Variants in IQCM observed in about 807,000 individuals in gnomAD.
IQCM encodes IQ domain-containing protein M.
IQCM carries 45 observed loss-of-function variants against 57.6 expected under a neutral mutation model. The ratio of observed to expected loss-of-function variants is 0.78; its 90% CI spans 0.62 to 1.00. The LOEUF (loss-of-function observed/expected upper bound fraction) is 1.00, where lower values mean the gene tolerates loss of function less well. Among genes scored for constraint, IQCM ranks in the 50% least tolerant of loss-of-function variants. IQCM has a pLI of 0.00. For missense variants in IQCM, 468 were observed against 511.6 expected, an observed-to-expected ratio of 0.91 and a Z score of 0.82; for synonymous variants, 148 against 158.9, an observed-to-expected ratio of 0.93 and a Z score of 0.51.
chr4:149,781,921 G>A (rs1310438229), intron 2 of IQCM, among the ~76,000 whole-genome samples: 1 of 152,094 alleles, frequency 6.6e-6, no homozygotes, highest in East Asian at 1.9e-4. Context: ...CTGAGTAGGA[G>A]AAACAATATG....
chr4:149,526,999 A>G (rs1746225915), intron 12 of IQCM, among the ~76,000 whole-genome samples: 1 of 152,190 alleles, frequency 6.6e-6, no homozygotes, highest in Non-Finnish European at 1.5e-5. Flanking sequence ...TTTACAGATC[A>G]GTACAGCAAG....
intron 2 of IQCM, among the ~76,000 whole-genome samples, chr4:149,809,312 T>C (rs1774351443): frequency 6.6e-6 from 1 of 151,724 alleles, no homozygotes; most frequent in African/African-American, 2.4e-5. Flanking sequence ...AATACTGGTG[T>C]CACTATAATA....
intron 8 of IQCM, among the ~76,000 whole-genome samples, chr4:149,608,664 G>A (rs1323348650): frequency 6.6e-6 from 1 of 151,576 alleles, no homozygotes; most frequent in Non-Finnish European, 1.5e-5. Context: ...AATGACTAGT[G>A]GGTCAATTAA....
chr4:149,669,833 T>C (rs557445611), intron 7 of IQCM, among the ~76,000 whole-genome samples: 25 of 152,316 alleles, frequency 1.6e-4, no homozygotes, highest in African/African-American at 6.0e-4. Flanking sequence ...TTTGTTGGTC[T>C]ATATCTCTGT....
chr4:149,792,360 C>A (rs1326343659), intron 2 of IQCM, among the ~76,000 whole-genome samples: 1 of 152,010 alleles, frequency 6.6e-6, no homozygotes, highest in African/African-American at 2.4e-5. Flanking sequence ...TGAAATATAA[C>A]CAGCCTGGGC....
At chr4:149,470,719 G>C (rs534442364) in intron 12 of IQCM, among the ~76,000 whole-genome samples, 1 of 152,028 alleles carries the variant, frequency 6.6e-6, no homozygotes, top group African/African-American at 2.4e-5. Context: ...CCACATAGTC[G>C]GAAGTAAAGC....
At position 149,482,627 on chromosome 4, in the gene IQCM, T is replaced by C. The variant is rs1372657574; in HGVS notation, c.1229-49070A>G. Among the ~76,000 whole-genome samples, 89 of 151,900 alleles carry C rather than the reference T, an allele frequency of 5.9e-4. 1 individual carries two copies. The highest frequency in any genetic ancestry group is 4.4e-5 in the Non-Finnish European group (3 of 67,810). On this transcript the variant is annotated intron_variant, in intron 12 of 13. Coordinates refer to ENST00000636793, the MANE Select transcript of IQCM (RefSeq NM_001363507.2). ...CCATCCTTGAATCCCTGGGATAAGT[T>C]CCACTTGGTCATGATGAATAATCAT... is the stretch of plus-strand genomic sequence containing the variant.
At chr4:149,735,860 A>G (rs750365575) in intron 3 of IQCM, among the ~76,000 whole-genome samples, 45 of 152,118 alleles carry the variant, frequency 3.0e-4, no homozygotes, top group Non-Finnish European at 5.0e-4. Context: ...AAAATAAAAT[A>G]CCTCAATAAA....
chr4:149,753,790 G>T (rs1420248110), intron 2 of IQCM, among the ~76,000 whole-genome samples: 1 of 112,994 alleles, frequency 8.9e-6, no homozygotes, highest in Non-Finnish European at 1.7e-5. Flanking sequence ...AAAACTGAAA[G>T]ATTCCAACAT....
At chr4:149,595,375 G>C (rs1016514939) in intron 8 of IQCM, among the ~76,000 whole-genome samples, 1 of 151,868 alleles carries the variant, frequency 6.6e-6, no homozygotes, top group Non-Finnish European at 1.5e-5. Context: ...ACAACCTTGT[G>C]ACCCTACCAG....
intron 12 of IQCM, among the ~76,000 whole-genome samples, chr4:149,526,814 A>G (rs531272148): frequency 3.9e-5 from 6 of 152,246 alleles, no homozygotes; most frequent in African/African-American, 1.4e-4. Flanking sequence ...AATTTAAAAA[A>G]TTACCTTGCA....
chr4:149,508,572 G>A (rs940015365), intron 12 of IQCM, among the ~76,000 whole-genome samples: 1 of 152,212 alleles, frequency 6.6e-6, no homozygotes, highest in African/African-American at 2.4e-5. Context: ...TCTCCCATTT[G>A]CAATGGTTGT....
chr4:149,679,081 C>T (rs541318824), intron 7 of IQCM, among the ~76,000 whole-genome samples: 2 of 151,594 alleles, frequency 1.3e-5, no homozygotes, highest in Non-Finnish European at 3.0e-5. Flanking sequence ...ATCTGCATTC[C>T]CATGTTTATT....
intron 13 of IQCM, among the ~76,000 whole-genome samples, chr4:149,381,089 G>A (rs753387861): frequency 1.3e-5 from 2 of 151,980 alleles, no homozygotes; most frequent in Non-Finnish European, 2.9e-5. Flanking sequence ...TGCATCTTTT[G>A]CAGGCTAAAA....
intron 13 of IQCM, among the ~76,000 whole-genome samples, chr4:149,363,340 A>C (rs1395809319): frequency 6.6e-6 from 1 of 152,158 alleles, no homozygotes; most frequent in African/African-American, 2.4e-5. Flanking sequence ...GGGCAGACTG[A>C]AGTAGGGTGG....
chr4:149,442,212 G>GT (rs1736011144), intron 12 of IQCM, among the ~76,000 whole-genome samples: 1 of 151,948 alleles, frequency 6.6e-6, no homozygotes, highest in South Asian at 2.1e-4. Context: ...TCTTTCTGAG[G>GT]TATCAGCAAA....
chr4:149,465,009 A>G (rs922693799), intron 12 of IQCM, among the ~76,000 whole-genome samples: 1 of 152,100 alleles, frequency 6.6e-6, no homozygotes, highest in Non-Finnish European at 1.5e-5. Flanking sequence ...AACCATGCAT[A>G]TTATTATTTT....
At chr4:149,806,841 C>A (rs1446234525) in intron 2 of IQCM, among the ~76,000 whole-genome samples, 1 of 151,732 alleles carries the variant, frequency 6.6e-6, no homozygotes, top group Non-Finnish European at 1.5e-5. Flanking sequence ...AAAAAACATA[C>A]ATGATTTAAT....
chr4:149,605,399 T>C (rs557702893), intron 8 of IQCM, among the ~76,000 whole-genome samples: 1 of 152,320 alleles, frequency 6.6e-6, no homozygotes, highest in Non-Finnish European at 1.5e-5. Context: ...AAGTGGCATG[T>C]TGGTATATCT....
Sources: allele counts gnomAD v4.1 joint callset (sites outside exome capture counted in the v4.1 genomes callset), GRCh38; gene constraint gnomAD v4.1.1; transcripts MANE v1.5; gene names NCBI Gene and HGNC (gene_info 2026-07-23, HGNC 2026-07-21).